Variants in SAXO5 observed in about 807,000 individuals in gnomAD.
The protein encoded by SAXO5 is testis expressed 45.
chr19:7,504,215 G>T, the SAXO5 span: 1 of 1,614,174 alleles, frequency 6.2e-7, no homozygotes, highest in Non-Finnish European at 8.5e-7. Flanking sequence ...CTGCCTTGAG[G>T]TGTAAGAGGG....
At chr19:7,507,586 A>G in the SAXO5 span, among the ~76,000 whole-genome samples, 7 of 135,382 alleles carry the variant, frequency 5.2e-5, no homozygotes, top group African/African-American at 1.8e-4. Flanking sequence ...CCTCAAAAAA[A>G]GGAAAAAAAA....
the SAXO5 span, chr19:7,506,181 A>AAGCCCCCCCCCATGG: frequency 6.8e-7 from 1 of 1,477,458 alleles, no homozygotes; most frequent in Admixed American, 2.1e-5. Context: ...CGCTCCCGGG[A>AAGCCCCCCCCCATGG]AGCCCCGCCC....
At chr19:7,501,311 C>G in the SAXO5 span, 1 of 1,572,070 alleles carries the variant, frequency 6.4e-7, no homozygotes, top group Non-Finnish European at 8.6e-7. Flanking sequence ...GCGACCGCGA[C>G]AAGTTGCGCA....
chr19:7,506,227 A>G, the SAXO5 span: 3 of 1,333,274 alleles, frequency 2.3e-6, no homozygotes, highest in Non-Finnish European at 2.0e-6. Flanking sequence ...CACCCCCGAA[A>G]GCCCCGCCCC....
chr19:7,498,570 A>G, the SAXO5 span, among the ~76,000 whole-genome samples: 25 of 151,666 alleles, frequency 1.6e-4, no homozygotes, highest in Non-Finnish European at 3.2e-4. Context: ...CTAATTTTGT[A>G]TTTTTAGTAG....
At chr19:7,505,772 TAA>T in the SAXO5 span, 2 of 950,422 alleles carry the variant, frequency 2.1e-6, no homozygotes, top group Non-Finnish European at 3.1e-6. Context: ...GCGAGTCACT[TAA>T]CCACTCCGAT....
the SAXO5 span, among the ~76,000 whole-genome samples, chr19:7,508,041 G>A: frequency 1.3e-5 from 2 of 151,978 alleles, no homozygotes; most frequent in African/African-American, 2.4e-5. Flanking sequence ...CTCTTACCCA[G>A]TCTTAACCAT....
chr19:7,507,222 C>T, the SAXO5 span: 2 of 1,226,376 alleles, frequency 1.6e-6, no homozygotes, highest in South Asian at 2.5e-5. Context: ...ACTATGCTGT[C>T]ACCCTGTCTC....
At chr19:7,498,268 T>A in the SAXO5 span, among the ~76,000 whole-genome samples, 6 of 151,772 alleles carry the variant, frequency 4.0e-5, no homozygotes, top group Non-Finnish European at 8.8e-5. Context: ...TGGAGTGCGG[T>A]AGCGTGGTCT....
chr19:7,498,008 G>T, the SAXO5 span, among the ~76,000 whole-genome samples: 1 of 151,768 alleles, frequency 6.6e-6, no homozygotes, highest in Non-Finnish European at 1.5e-5. Context: ...AAAATTGGCC[G>T]GGCGTGGTGG....
the SAXO5 span, chr19:7,506,254 A>G: frequency 1.1e-6 from 1 of 870,406 alleles, no homozygotes; most frequent in East Asian, 3.8e-5. Context: ...GCCCCTCCCC[A>G]TGGAGCCCCG....
chr19:7,506,085 A>G, the SAXO5 span: 23 of 1,613,738 alleles, frequency 1.4e-5, no homozygotes, highest in Non-Finnish European at 1.9e-5. Flanking sequence ...GGCTCGGACT[A>G]CTGCCCTTCA....
chr19:7,504,563 G>A, the SAXO5 span: 240 of 632,182 alleles, frequency 3.8e-4, no homozygotes, highest in African/African-American at 3.5e-3. Flanking sequence ...ACAATTAGCC[G>A]GGTGTGGTGG....
chr19:7,506,654 C>T, the SAXO5 span: 71 of 350,826 alleles, frequency 2.0e-4, 2 homozygotes, highest in Middle Eastern at 4.9e-3. Context: ...GGGTTCCTCC[C>T]CTAGCTCCTC....
At chr19:7,500,940 C>T in the SAXO5 span, 2 of 1,576,860 alleles carry the variant, frequency 1.3e-6, no homozygotes, top group South Asian at 1.1e-5. Flanking sequence ...GGGCACCATG[C>T]GCACCACGTC....
the SAXO5 span, chr19:7,505,707 G>T: frequency 2.9e-6 from 4 of 1,372,910 alleles, no homozygotes; most frequent in Admixed American, 1.8e-5. Context: ...TCCCAAAGTG[G>T]GAGTGAGCTT....
At chr19:7,507,143 T>TA in the SAXO5 span, 1 of 1,613,430 alleles carries the variant, frequency 6.2e-7, no homozygotes, top group Non-Finnish European at 8.5e-7. Context: ...CTACAGCGGG[T>TA]AAGGGAGGCG....
the SAXO5 span, chr19:7,501,257 C>A: frequency 6.4e-7 from 1 of 1,568,166 alleles, no homozygotes; most frequent in Non-Finnish European, 8.6e-7. Flanking sequence ...GAGAGCGGAT[C>A]CGCGGCGCGC....
chr19:7,502,107 A>ATT, the SAXO5 span, among the ~76,000 whole-genome samples: 1 of 151,896 alleles, frequency 6.6e-6, no homozygotes, highest in Non-Finnish European at 1.5e-5. Flanking sequence ...TTTATTATAT[A>ATT]TATATGTGTA....
Sources: allele counts gnomAD v4.1 joint callset (sites outside exome capture counted in the v4.1 genomes callset), GRCh38; gene constraint gnomAD v4.1.1; transcripts MANE v1.5; gene names NCBI Gene and HGNC (gene_info 2026-07-23, HGNC 2026-07-21).